PTCH2: variants seen among roughly 807,000 people sequenced by gnomAD.
PTCH2 encodes protein patched homolog 2.
PTCH2 carries 96 observed loss-of-function variants against 117.9 expected under a neutral mutation model. The observed-to-expected ratio is 0.81, with a 90% CI of 0.69 to 0.96. The LOEUF (loss-of-function observed/expected upper bound fraction) is 0.96. Ranked by LOEUF, PTCH2 falls within the 50% of genes least tolerant of loss-of-function variation. The probability of loss-of-function intolerance (pLI) is 0.00; values close to 1 mark genes in which losing one functional copy is unlikely to be tolerated. For missense variants in PTCH2, 1,379 were observed against 1,562.5 expected, an observed-to-expected ratio of 0.88 and a Z score of 1.98; for synonymous variants, 615 against 660.9, an observed-to-expected ratio of 0.93 and a Z score of 1.06.
rs770933077 is a variant in PTCH2 at position 44,841,965 on chromosome 1, G to T, written c.147C>A (p.Cys49Ter). 1.2e-6 allele frequency: 2 copies of T among 1,614,038 alleles called. No homozygotes were observed. The highest frequency in any genetic ancestry group is 1.7e-5 in the Admixed American group (1 of 60,002). Reference protein sequence around the residue: ...YFQGLLFSLGCGIQRHCGKVL... With the variant: ...YFQGLLFSLG ...CTTTGCCACAATGTCTCTGGATCCCGCATCCCAGAGAGAAGAGCAGGCCCT... is the reference window on the plus strand; with the variant it reads ...CTTTGCCACAATGTCTCTGGATCCCTCATCCCAGAGAGAAGAGCAGGCCCT... The change falls in exon 2 of 22, where the codon TGC becomes TGA. Residue 49 changes from cysteine to a stop codon, truncating the protein, a stop_gained. Coordinates refer to ENST00000372192, the MANE Select transcript of PTCH2 (RefSeq NM_003738.5). LOFTEE classifies it high-confidence loss of function.
In PTCH2 at chr1:44,826,279, C is replaced by T; in HGVS notation, c.3085G>A (p.Gly1029Ser). ...GCCACGTGGACTGTGAACTCAACGC[C>T]AATGCCTACAGAGGCCACAAGGATC... ...VVILVASVGI[G>S]VEFTVHVALG... Residue 1029 changes from glycine (G) to serine (S), a missense_variant, in exon 19 of 22, where the codon GGC (glycine) becomes AGC (serine). Transcript: ENST00000372192. This position sits in a 1 kb window ranked among gnomAD's most constrained non-coding sequence, Gnocchi z 5.1. 1 of 1,614,118 alleles carries T rather than the reference C, an allele frequency of 6.2e-7. No individual in the cohort carries two copies. The highest frequency in any genetic ancestry group is 8.5e-7 in the Non-Finnish European group (1 of 1,180,040).
Position 44,829,616 on chromosome 1 carries a change from G to T in PTCH2, c.1081C>A (p.Gln361Lys). ...VLQAWQRRFV[Q>K]LAQEALPENA... ...CCCTTGTCCTTGTCCATACCGACCTGCACAAAGCGCCGCTGCCAGGCTTGT... is the reference window on the plus strand; with the variant it reads ...CCCTTGTCCTTGTCCATACCGACCTTCACAAAGCGCCGCTGCCAGGCTTGT... The change falls in exon 8 of 22, where the codon CAG (glutamine) becomes AAG (lysine). Residue 361 changes from glutamine (Q) to lysine (K), a missense_variant and splice_region_variant. Transcript: ENST00000372192. 6.2e-7 allele frequency: 1 copy of T among 1,614,218 alleles called. No individual in the cohort carries two copies. The highest frequency in any genetic ancestry group is 2.2e-5 in the East Asian group (1 of 44,882).
Position 44,831,090 on chromosome 1 carries a change from G to A in PTCH2, c.618-47C>T, listed in dbSNP as rs1350135352. 1.3e-6 allele frequency: 2 copies of A among 1,567,116 alleles called. No individual in the cohort carries two copies. Among genetic ancestry groups the A allele is most frequent in the East Asian group, 2.3e-5 (1 of 43,728 alleles). Reference sequence around the variant, plus strand: ...GGTGAGGGTCAGGGACGAAAACCCAGGCTCCAAACTGCTGCTGGGGCGCCA... The same window carrying A: ...GGTGAGGGTCAGGGACGAAAACCCAAGCTCCAAACTGCTGCTGGGGCGCCA... On this transcript the variant is annotated intron_variant, in intron 5 of 21. Coordinates refer to ENST00000372192, the MANE Select transcript of PTCH2 (RefSeq NM_003738.5). This position sits in a 1 kb window ranked among gnomAD's most constrained non-coding sequence, Gnocchi z 4.3.
intron 1 of PTCH2, 85 bp downstream of exon 1, chr1:44,842,776 C>T: frequency 5.1e-6 from 7 of 1,361,396 alleles, no homozygotes; most frequent in Middle Eastern, 3.6e-4. Flanking sequence ...ACACTCGGCA[C>T]TTCAAGACAT....
Position 44,823,370 on chromosome 1 carries a change from G to C in PTCH2, c.3130C>G (p.Gln1044Glu), listed in dbSNP as rs1361991645. 3 of 1,614,246 alleles carry C rather than the reference G, an allele frequency of 1.9e-6. No individual in the cohort carries two copies. The highest frequency in any genetic ancestry group is 1.6e-4 in the Middle Eastern group (1 of 6,062). The change falls in exon 20 of 22, where the codon CAG becomes GAG. Residue 1044 changes from glutamine (Q) to glutamate (E), a missense_variant. By Grantham distance (29) the Gln-to-Glu change is conservative. Transcript: ENST00000372192. The surrounding 1 kb of genome is among the most constrained non-coding windows in gnomAD (Gnocchi z 5.1). ...GCGGCCCGCAGGTTCCGGCTGCCCT[G>C]GGTGGTCAGGAAGCCCTAGGAAAAC... The part of the protein sequence containing the change: ...VHVALGFLTT[Q>E]GSRNLRAAHA...
At chr1:44,828,737 C>A (rs1054358594) in intron 11 of PTCH2, 106 bp from the exon 12 acceptor site, 4 of 1,477,722 alleles carry the variant, frequency 2.7e-6, no homozygotes, top group African/African-American at 1.4e-5. Context: ...GTGGGGCAGT[C>A]ATAACACAGT....
intron 2 of PTCH2, among the ~76,000 whole-genome samples, chr1:44,833,315 C>T (rs980199981): frequency 3.9e-5 from 6 of 152,080 alleles, no homozygotes; most frequent in African/African-American, 9.7e-5. Flanking sequence ...TCAGACCCTG[C>T]GCTGTTTCCA....
chr1:44,840,122 A>C (rs1025061594), intron 2 of PTCH2, among the ~76,000 whole-genome samples: 1 of 116,722 alleles, frequency 8.6e-6, no homozygotes, highest in Non-Finnish European at 1.7e-5. Context: ...TTTTTTTTTG[A>C]GATGGAATCT....
In PTCH2 at chr1:44,827,377, C is replaced by T. The variant is rs1341487580; in HGVS notation, c.2371+25G>A. 4 of 1,613,728 alleles carry T rather than the reference C, an allele frequency of 2.5e-6. No individual in the cohort carries two copies. In the African/African-American group the frequency reaches 5.3e-5, roughly 22 times the overall value. The stretch of plus-strand genomic sequence containing the variant: ...GGGCGTTTCTCCCTGCAGCACCCCT[C>T]CCTGCCCGTCTCCTCGCCTCTCACC... On this transcript the variant is annotated intron_variant, in intron 15 of 21. Transcript: ENST00000372192.
Position 44,823,218 on chromosome 1 carries a change from C to T in PTCH2, c.3257+25G>A, listed in dbSNP as rs2148871870. The T allele has an allele frequency of 6.2e-7, 1 of 1,614,178 alleles. No individual in the cohort carries two copies. The highest frequency in any genetic ancestry group is 8.5e-7 in the Non-Finnish European group (1 of 1,180,014). ...CAGCCCAGGCCTGTCCTGAGCCCTGCCTCCCTGCCCCGAGCCCTCCCTACC... is the reference window on the plus strand; with the variant it reads ...CAGCCCAGGCCTGTCCTGAGCCCTGTCTCCCTGCCCCGAGCCCTCCCTACC... On this transcript the variant is annotated intron_variant, in intron 20 of 21. Transcript: ENST00000372192. This position sits in a 1 kb window ranked among gnomAD's most constrained non-coding sequence, Gnocchi z 5.1.
At chr1:44,840,389 C>A (rs866907076) in intron 2 of PTCH2, among the ~76,000 whole-genome samples, 12 of 147,154 alleles carry the variant, frequency 8.2e-5, no homozygotes, top group Middle Eastern at 3.4e-3. Flanking sequence ...CGTGAGCCAC[C>A]GTGCCTGGCC....
At position 44,823,022 on chromosome 1, in the gene PTCH2, C is replaced by T. The variant is rs749079847; in HGVS notation, c.3357+47G>A. ...TCCCTTCCCTTGCCTCTCCCTACCC[C>T]GTCCCTTGGGCTGGGAGTAGAGGGA... is the stretch of plus-strand genomic sequence containing the variant. On this transcript the variant is annotated intron_variant, in intron 21 of 21. Transcript: ENST00000372192. The surrounding 1 kb of genome is among the most constrained non-coding windows in gnomAD (Gnocchi z 5.1). 9.3e-5 allele frequency: 147 copies of T among 1,577,848 alleles called. No homozygotes were observed. Among genetic ancestry groups the T allele is most frequent in the Non-Finnish European group, 1.1e-4 (128 of 1,157,260 alleles).
Position 44,836,392 on chromosome 1 carries a change from G to A in PTCH2, c.266-4051C>T, listed in dbSNP as rs1159576577. Among the ~76,000 whole-genome samples, 5 of 152,060 alleles carry A rather than the reference G, an allele frequency of 3.3e-5. No homozygotes were observed. In the East Asian group the frequency reaches 7.7e-4, roughly 23 times the overall value. On this transcript the variant is annotated intron_variant, in intron 2 of 21. Transcript: ENST00000372192. Reference sequence around the variant, plus strand: ...TTCAGGAGGCCAAGGCAGGAGGATCGCTTGAGACCAGGAGTTCAAGACCAG... The same window carrying A: ...TTCAGGAGGCCAAGGCAGGAGGATCACTTGAGACCAGGAGTTCAAGACCAG...
At position 44,831,133 on chromosome 1, in the gene PTCH2, CTCT is replaced by C; in HGVS notation, c.618-93_618-91del. On this transcript the variant is annotated intron_variant, in intron 5 of 21. Coordinates refer to ENST00000372192, the MANE Select transcript of PTCH2 (RefSeq NM_003738.5). This position sits in a 1 kb window ranked among gnomAD's most constrained non-coding sequence, Gnocchi z 4.3. ...GGGCGCCATGCTGTACCCCACCCTC[CTCT>C]TATCTGCCGATTTGTCCTTCCATAT... 1 of 1,280,934 alleles carries C rather than the reference CTCT, an allele frequency of 7.8e-7. No homozygotes were observed. Among genetic ancestry groups the C allele is most frequent in the African/African-American group, 1.5e-5 (1 of 67,314 alleles). 79.3% of individuals were successfully genotyped at this position (1,280,934 alleles called of 1,614,324 possible).
At chr1:44,838,729 C>CTT (rs750441536) in intron 2 of PTCH2, among the ~76,000 whole-genome samples, 4 of 144,304 alleles carry the variant, frequency 2.8e-5, no homozygotes, top group Admixed American at 6.9e-5. Flanking sequence ...TTTTTCTTTT[C>CTT]TTTTTTTTTT....
chr1:44,829,712 A>ACAGCTGG lies in PTCH2; in HGVS notation c.978_984dup (p.Tyr329ProfsTer9), dbSNP rs772922085. 1.2e-6 allele frequency: 2 copies of ACAGCTGG among 1,614,232 alleles called. No individual in the cohort carries two copies. Among genetic ancestry groups the ACAGCTGG allele is most frequent in the Non-Finnish European group, 1.7e-6 (2 of 1,180,032 alleles). ...TGATAGTCACCCCGGAAATGCTCGTACAGCTGGCGGGGACTCATCAGCAAG... is the reference window on the plus strand; with the variant it reads ...TGATAGTCACCCCGGAAATGCTCGTACAGCTGGCAGCTGGCGGGGACTCATCAGCAAG... On this transcript the variant is annotated frameshift_variant, in exon 8 of 22. Coordinates refer to ENST00000372192, the MANE Select transcript of PTCH2 (RefSeq NM_003738.5). LOFTEE classifies it high-confidence loss of function.
chr1:44,831,640 A>T lies in PTCH2; in HGVS notation c.617+66T>A. The T allele has an allele frequency of 7.0e-7, 1 of 1,436,802 alleles. No homozygotes were observed. Among genetic ancestry groups the T allele is most frequent in the Non-Finnish European group, 9.6e-7 (1 of 1,043,070 alleles). The allele number at this position is 1,436,802 out of a possible 1,614,324, so 89.0% of individuals were successfully genotyped here. A position where few individuals can be genotyped will look rare whatever the true frequency, so the allele number is the denominator to read the frequency against. On this transcript the variant is annotated intron_variant, in intron 5 of 21. Transcript: ENST00000372192. This position sits in a 1 kb window ranked among gnomAD's most constrained non-coding sequence, Gnocchi z 4.3. The stretch of plus-strand genomic sequence containing the variant: ...GGTTTTGATCATCCTCATTCCCCAG[A>T]CCCCTCCTTTCTGCTGGGAGAGTCC...
chr1:44,830,670 G>A (rs1411897302), intron 6 of PTCH2, among the ~76,000 whole-genome samples, 178 bp downstream of exon 6: 3 of 150,932 alleles, frequency 2.0e-5, no homozygotes, highest in Non-Finnish European at 2.9e-5. Flanking sequence ...TGAGGGCTCC[G>A]TAGGATAACT....
Position 44,827,048 on chromosome 1 carries a change from A to G in PTCH2, c.2549T>C (p.Leu850Pro). The change falls in exon 17 of 22, where the codon CTG (leucine) becomes CCG (proline). Residue 850 changes from leucine to proline, a missense_variant. Coordinates refer to ENST00000372192, the MANE Select transcript of PTCH2 (RefSeq NM_003738.5). ...CATGTAGAAGAGCTCGGGTGGAATC[A>G]GTCCCTCTCTGTCCACCAGCTTCCT... ...TTRKLVDREGLIPPELFYMGL... is the reference protein window; with the variant it reads ...TTRKLVDREGPIPPELFYMGL... The G allele has an allele frequency of 1.2e-6, 2 of 1,614,124 alleles. No homozygotes were observed. Among genetic ancestry groups the G allele is most frequent in the Non-Finnish European group, 1.7e-6 (2 of 1,180,026 alleles).
Sources: gnomAD v4.1 joint callset for allele counts (sites outside exome capture counted in the v4.1 genomes callset) on GRCh38, gnomAD v4.1.1 for gene constraint, Gnocchi (gnomAD v3.1) non-coding constraint, MANE v1.5 for transcripts, NCBI Gene and HGNC (gene_info 2026-07-23, HGNC 2026-07-21) for gene names.